Variants in CPQ observed in about 807,000 individuals in gnomAD.
The protein encoded by CPQ is Ser-Met dipeptidase.
In CPQ, 37 loss-of-function variants were observed where a neutral mutation model predicts 45.7. That is an observed-to-expected ratio of 0.81 (90% confidence interval 0.62 to 1.07). CPQ has a LOEUF of 1.07. Ranked by LOEUF, CPQ falls within the 50% of genes least tolerant of loss-of-function variation. The probability of loss-of-function intolerance (pLI) is 0.00; values close to 1 mark genes in which losing one functional copy is unlikely to be tolerated. For missense variants in CPQ, 537 were observed against 572.9 expected (o/e 0.94, Z 0.64); for synonymous variants, 186 against 205.8 (o/e 0.90, Z 0.82).
chr8:96,802,930 G>A (rs1402660047), intron 2 of CPQ, among the ~76,000 whole-genome samples: 2 of 151,984 alleles, frequency 1.3e-5, no homozygotes, highest in African/African-American at 4.8e-5. Context: ...TTTTGTTGGT[G>A]ATTATTATCT....
At chr8:96,662,693 T>C (rs1808848724) in intron 1 of CPQ, among the ~76,000 whole-genome samples, 1 of 152,218 alleles carries the variant, frequency 6.6e-6, no homozygotes, top group Non-Finnish European at 1.5e-5. Context: ...TTTCAAAAAT[T>C]ATTAAAACTT....
intron 1 of CPQ, among the ~76,000 whole-genome samples, chr8:96,743,342 C>T (rs1810123746): frequency 2.0e-5 from 3 of 151,054 alleles, no homozygotes; most frequent in Admixed American, 6.6e-5. Flanking sequence ...CCTTTAAGCA[C>T]TTCTCTGTAT....
intron 1 of CPQ, among the ~76,000 whole-genome samples, chr8:96,753,548 G>T (rs2130787099): frequency 1.4e-5 from 2 of 139,326 alleles, no homozygotes; most frequent in Middle Eastern, 4.2e-3. Context: ...TTTTACTTAA[G>T]AAATTTATAG....
chr8:96,899,240 T>C (rs1445263352), intron 4 of CPQ, among the ~76,000 whole-genome samples: 1 of 152,122 alleles, frequency 6.6e-6, no homozygotes, highest in Non-Finnish European at 1.5e-5. Context: ...TGGGGATGCG[T>C]AGAGAGTATT....
At chr8:97,075,902 C>T (rs1810837809) in intron 7 of CPQ, among the ~76,000 whole-genome samples, 2 of 152,212 alleles carry the variant, frequency 1.3e-5, no homozygotes, top group Non-Finnish European at 2.9e-5. Context: ...CAGCTACTCT[C>T]CTACACCCAG....
chr8:97,118,450 A>G (rs1811633606), intron 7 of CPQ, among the ~76,000 whole-genome samples: 1 of 152,102 alleles, frequency 6.6e-6, no homozygotes, highest in Admixed American at 6.5e-5. Flanking sequence ...GAGAAATATT[A>G]AAAGTCAGGA....
chr8:96,951,487 C>T lies in CPQ; in HGVS notation c.850-14448C>T, dbSNP rs150087879. On this transcript the variant is annotated intron_variant, in intron 4 of 7. Transcript: ENST00000220763. ...AAGCTTCAGTTCAAACACCTGAATTCATTTTCACCAATGCTACCTGGTTAC... is the reference window on the plus strand; with the variant it reads ...AAGCTTCAGTTCAAACACCTGAATTTATTTTCACCAATGCTACCTGGTTAC... Among the ~76,000 whole-genome samples, 79 of 152,240 alleles carry T rather than the reference C, an allele frequency of 5.2e-4. 1 individual carries two copies. The highest frequency in any genetic ancestry group is 1.9e-3 in the African/African-American group (79 of 41,552).
intron 4 of CPQ, among the ~76,000 whole-genome samples, chr8:96,957,731 A>G (rs1813378386): frequency 6.6e-6 from 1 of 151,972 alleles, no homozygotes; most frequent in Non-Finnish European, 1.5e-5. Context: ...CCTGGGAGAC[A>G]GAGGTTGCTG....
At chr8:97,072,444 C>A (rs1481182706) in intron 7 of CPQ, among the ~76,000 whole-genome samples, 1 of 152,108 alleles carries the variant, frequency 6.6e-6, no homozygotes. Context: ...TGTAACCAAA[C>A]ACCACCTGTT....
intron 5 of CPQ, among the ~76,000 whole-genome samples, chr8:97,017,301 CA>C (rs1000216784): frequency 2.6e-4 from 39 of 152,294 alleles, no homozygotes; most frequent in African/African-American, 8.9e-4. Context: ...CCTCACCTCA[CA>C]GGGGTCCTTG....
At chr8:97,042,548 T>G (rs949818105) in intron 6 of CPQ, among the ~76,000 whole-genome samples, 1 of 151,960 alleles carries the variant, frequency 6.6e-6, no homozygotes, top group African/African-American at 2.4e-5. Flanking sequence ...TGTTTGCTCT[T>G]GCTTTTCTAG....
intron 4 of CPQ, among the ~76,000 whole-genome samples, chr8:96,907,285 G>A (rs10104357): frequency 0.17 from 26,078 of 152,016 alleles, 2,353 homozygotes; most frequent in Non-Finnish European, 0.21. Context: ...CTGCTGTCAC[G>A]TAGGACACTG....
intron 6 of CPQ, among the ~76,000 whole-genome samples, chr8:97,037,604 C>G (rs1403468779): frequency 1.3e-5 from 2 of 152,140 alleles, no homozygotes; most frequent in Non-Finnish European, 2.9e-5. Context: ...TCAGTGTTTT[C>G]TTGGTCTGGA....
At chr8:96,843,506 T>G (rs933080600) in intron 3 of CPQ, among the ~76,000 whole-genome samples, 19 of 152,320 alleles carry the variant, frequency 1.2e-4, no homozygotes, top group African/African-American at 4.6e-4. Flanking sequence ...ACAAACCCTA[T>G]GCCATTTAGA....
intron 1 of CPQ, among the ~76,000 whole-genome samples, chr8:96,698,787 C>T (rs1374352392): frequency 6.6e-6 from 1 of 152,166 alleles, no homozygotes; most frequent in Non-Finnish European, 1.5e-5. Flanking sequence ...GAGATATCAT[C>T]TCACCCCAGT....
chr8:96,997,196 T>C (rs538264900), intron 5 of CPQ, among the ~76,000 whole-genome samples: 74 of 152,116 alleles, frequency 4.9e-4, no homozygotes, highest in African/African-American at 1.8e-3. Context: ...TAAAGTCCTC[T>C]TAGCTTGGTA....
intron 1 of CPQ, among the ~76,000 whole-genome samples, chr8:96,646,755 G>C (rs1000697565): frequency 1.3e-5 from 2 of 152,200 alleles, no homozygotes; most frequent in African/African-American, 2.4e-5. Context: ...GGATTCTTTT[G>C]TATCAGGGTT....
chr8:97,133,827 A>G (rs1215547824), intron 7 of CPQ, among the ~76,000 whole-genome samples: 1 of 152,226 alleles, frequency 6.6e-6, no homozygotes, highest in African/African-American at 2.4e-5. Flanking sequence ...AGTACATTCT[A>G]ATAAATAATC....
At chr8:97,126,122 A>G (rs1811842905) in intron 7 of CPQ, among the ~76,000 whole-genome samples, 1 of 152,220 alleles carries the variant, frequency 6.6e-6, no homozygotes, top group South Asian at 2.1e-4. Flanking sequence ...AGATTACATA[A>G]TTGTTTTAAA....
Sources: gnomAD v4.1 joint callset for allele counts (sites outside exome capture counted in the v4.1 genomes callset) on GRCh38, gnomAD v4.1.1 for gene constraint, MANE v1.5 for transcripts, NCBI Gene and HGNC (gene_info 2026-07-23, HGNC 2026-07-21) for gene names.